Variants in GPHN observed in about 807,000 individuals in gnomAD.
GPHN encodes the protein gephyrin.
GPHN carries 17 observed loss-of-function variants against 95.5 expected under a neutral mutation model. That is an observed-to-expected ratio of 0.18 (90% CI 0.12 to 0.27). The LOEUF (loss-of-function observed/expected upper bound fraction) is 0.27, where lower values mean the gene tolerates loss of function less well. Among genes scored for constraint, GPHN ranks in the 10% least tolerant of loss-of-function variants. The pLI is 1.00. For synonymous variants in GPHN, 320 were observed against 322.5 expected (o/e 0.99, Z 0.08); for missense variants, 660 against 978.1 (o/e 0.67, Z 4.34).
chr14:66,772,884 G>A (rs767685444), intron 2 of GPHN, among the ~76,000 whole-genome samples: 5 of 152,144 alleles, frequency 3.3e-5, no homozygotes, highest in African/African-American at 7.2e-5. Context: ...CAATTATACA[G>A]ATACCGTTTG....
chr14:66,801,570 C>T lies in GPHN; in HGVS notation c.202-22904C>T, dbSNP rs186809652. On this transcript the variant is annotated intron_variant, in intron 3 of 22. Coordinates refer to ENST00000478722, the MANE Select transcript of GPHN (RefSeq NM_020806.5). ...CATTCTCTCTCTCTCTCCCCGCTGC[C>T]CCTCTCCCCACTCTCTCTCTCTCTC... is the stretch of plus-strand genomic sequence containing the variant. 6.6e-3 allele frequency among the ~76,000 whole-genome samples: 985 copies of T among 149,736 alleles called. 10 individuals carry two copies. Among genetic ancestry groups the T allele is most frequent in the African/African-American group, 0.023 (930 of 40,612 alleles).
chr14:66,778,884 T>C (rs950847896), intron 3 of GPHN, among the ~76,000 whole-genome samples: 25 of 151,648 alleles, frequency 1.6e-4, no homozygotes, highest in African/African-American at 5.3e-4. Context: ...TATAGGCACA[T>C]GACACCACAC....
intron 1 of GPHN, among the ~76,000 whole-genome samples, chr14:66,674,049 C>T (rs1172288182): frequency 6.6e-6 from 1 of 151,730 alleles, no homozygotes; most frequent in Non-Finnish European, 1.5e-5. Context: ...TTCTAGTCAT[C>T]CATATTTATA....
intron 1 of GPHN, among the ~76,000 whole-genome samples, chr14:66,599,006 T>A (rs896920136): frequency 6.6e-6 from 1 of 152,260 alleles, no homozygotes; most frequent in African/African-American, 2.4e-5. Context: ...AGCTTTTGAG[T>A]CATGGATCTT....
chr14:67,622,501 T>C, the GPHN span, among the ~76,000 whole-genome samples: 2 of 152,218 alleles, frequency 1.3e-5, no homozygotes, highest in Non-Finnish European at 2.9e-5. Context: ...AGGCCTCTCT[T>C]AGTCATTTTA....
the GPHN span, among the ~76,000 whole-genome samples, chr14:67,400,993 A>AAAT: frequency 0.01 from 1,539 of 150,746 alleles, 28 homozygotes; most frequent in African/African-American, 0.033. Context: ...CTGCCTCTTA[A>AAAT]AATAATAATA....
intron 5 of GPHN, among the ~76,000 whole-genome samples, chr14:66,883,150 G>C (rs1170910788): frequency 6.6e-6 from 1 of 151,690 alleles, no homozygotes; most frequent in Non-Finnish European, 1.5e-5. Flanking sequence ...CCTATGACAT[G>C]AATTTTAGAT....
chr14:67,512,995 C>T, the GPHN span, among the ~76,000 whole-genome samples: 9 of 152,078 alleles, frequency 5.9e-5, no homozygotes, highest in Non-Finnish European at 1.0e-4. Context: ...CTGATACAAC[C>T]GAAATAAACA....
the GPHN span, among the ~76,000 whole-genome samples, chr14:67,719,740 A>G: frequency 6.6e-6 from 1 of 152,194 alleles, no homozygotes; most frequent in South Asian, 2.1e-4. Flanking sequence ...GGTTTCCCAA[A>G]GTGCAGGAAT....
chr14:67,420,655 A>C, the GPHN span, among the ~76,000 whole-genome samples: 1 of 152,170 alleles, frequency 6.6e-6, no homozygotes, highest in Non-Finnish European at 1.5e-5. Flanking sequence ...CTCTCAAGTG[A>C]GGAACCTAGT....
chr14:66,775,906 T>C (rs571404284), intron 2 of GPHN, among the ~76,000 whole-genome samples: 1 of 152,296 alleles, frequency 6.6e-6, no homozygotes, highest in East Asian at 1.9e-4. Flanking sequence ...CACACGTCTC[T>C]CTGACTCCCT....
At chr14:66,753,880 A>G (rs565185416) in intron 2 of GPHN, among the ~76,000 whole-genome samples, 69 of 152,110 alleles carry the variant, frequency 4.5e-4, no homozygotes, top group African/African-American at 1.6e-3. Flanking sequence ...TCCCACCTCC[A>G]GCTTAAGACT....
chr14:67,136,390 C>A (rs1360696999), intron 17 of GPHN, among the ~76,000 whole-genome samples: 2 of 152,220 alleles, frequency 1.3e-5, no homozygotes, highest in Non-Finnish European at 2.9e-5. Flanking sequence ...AGCCTCTGTG[C>A]TTCCTGGACG....
chr14:67,670,090 G>A, the GPHN span, among the ~76,000 whole-genome samples: 1 of 152,318 alleles, frequency 6.6e-6, no homozygotes, highest in African/African-American at 2.4e-5. Flanking sequence ...AGACAGGAGT[G>A]AGAACCTGTG....
intron 1 of GPHN, among the ~76,000 whole-genome samples, chr14:66,617,724 G>T (rs1013615559): frequency 6.6e-6 from 1 of 151,852 alleles, no homozygotes; most frequent in African/African-American, 2.4e-5. Context: ...TTCATAAATG[G>T]ATATTGAATT....
At chr14:66,611,033 G>A (rs557512341) in intron 1 of GPHN, among the ~76,000 whole-genome samples, 15 of 152,220 alleles carry the variant, frequency 9.9e-5, no homozygotes, top group Admixed American at 7.2e-4. Flanking sequence ...GTGCACAGAT[G>A]GGCCTAGGAG....
intron 2 of GPHN, among the ~76,000 whole-genome samples, chr14:66,706,210 C>A (rs1194681684): frequency 6.6e-6 from 1 of 152,096 alleles, no homozygotes; most frequent in Admixed American, 6.6e-5. Context: ...TAGGAAGAAA[C>A]AATATCGTGA....
chr14:67,322,053 G>A, the GPHN span, among the ~76,000 whole-genome samples: 3 of 152,156 alleles, frequency 2.0e-5, no homozygotes, highest in Non-Finnish European at 4.4e-5. Flanking sequence ...AAGCAAAAGT[G>A]TAAAATTACT....
the GPHN span, among the ~76,000 whole-genome samples, chr14:67,703,487 T>G: frequency 6.6e-6 from 1 of 152,086 alleles, no homozygotes; most frequent in Non-Finnish European, 1.5e-5. Context: ...TCAACACAAG[T>G]AGAAAAGTCA....
Sources: gnomAD v4.1 joint callset for allele counts (sites outside exome capture counted in the v4.1 genomes callset) on GRCh38, gnomAD v4.1.1 for gene constraint, MANE v1.5 for transcripts, NCBI Gene and HGNC (gene_info 2026-07-23, HGNC 2026-07-21) for gene names.